Variants in PLPP1 observed in about 807,000 individuals in gnomAD.
The protein encoded by PLPP1 is lipid phosphate phosphohydrolase 1a.
PLPP1 carries 24 observed loss-of-function variants against 31.2 expected under a neutral mutation model. That is an observed-to-expected ratio of 0.77 (90% CI 0.56 to 1.08). The LOEUF is 1.08. PLPP1 is among the 50% of genes least tolerant of loss of function. The pLI is 0.00. For synonymous variants in PLPP1, 146 were observed against 126.3 expected (o/e 1.16, Z -1.05); for missense variants, 319 against 342.7 (o/e 0.93, Z 0.55).
At chr5:55,429,867 T>C (rs1057433776) in intron 4 of PLPP1, among the ~76,000 whole-genome samples, 1 of 151,800 alleles carries the variant, frequency 6.6e-6, no homozygotes, top group African/African-American at 2.4e-5. Flanking sequence ...AAGTGCATGC[T>C]CCCAACCCAC....
chr5:55,452,042 G>A (rs772923753), intron 3 of PLPP1, among the ~76,000 whole-genome samples: 1 of 152,148 alleles, frequency 6.6e-6, no homozygotes, highest in Non-Finnish European at 1.5e-5. Flanking sequence ...CCTGCTTCAA[G>A]TCCTTCACTA....
chr5:55,437,861 T>A (rs1225290624), intron 4 of PLPP1, among the ~76,000 whole-genome samples: 2 of 152,208 alleles, frequency 1.3e-5, no homozygotes, highest in African/African-American at 4.8e-5. Context: ...ATAATCAAGT[T>A]TGGAAAACAT....
intron 4 of PLPP1, among the ~76,000 whole-genome samples, chr5:55,434,736 A>G (rs1483398685): frequency 6.6e-6 from 1 of 152,180 alleles, no homozygotes; most frequent in African/African-American, 2.4e-5. Context: ...GAAGAATGAA[A>G]TTGGACCCCT....
At chr5:55,518,780 T>A (rs138595373) in intron 1 of PLPP1, among the ~76,000 whole-genome samples, 1 of 152,326 alleles carries the variant, frequency 6.6e-6, no homozygotes, top group African/African-American at 2.4e-5. Context: ...TGCTGCAAGA[T>A]GACTCTCCTT....
chr5:55,471,705 TCAC>T (rs1561236015), intron 2 of PLPP1, among the ~76,000 whole-genome samples: 4 of 152,174 alleles, frequency 2.6e-5, no homozygotes, highest in African/African-American at 9.7e-5. Context: ...GCAGTCTTAA[TCAC>T]AGGGATTTTT....
chr5:55,427,941 A>C (rs966737923), intron 4 of PLPP1, among the ~76,000 whole-genome samples: 2 of 151,040 alleles, frequency 1.3e-5, no homozygotes, highest in African/African-American at 4.9e-5. Context: ...ACTCACCACC[A>C]CTCCCAGGTA....
chr5:55,501,071 T>C (rs1471445859), intron 1 of PLPP1, among the ~76,000 whole-genome samples: 2 of 152,122 alleles, frequency 1.3e-5, no homozygotes, highest in African/African-American at 2.4e-5. Context: ...CCCCAGCACG[T>C]TGGGAGGCCG....
At chr5:55,532,794 T>C (rs1313727996) in intron 1 of PLPP1, among the ~76,000 whole-genome samples, 1 of 151,790 alleles carries the variant, frequency 6.6e-6, no homozygotes, top group Non-Finnish European at 1.5e-5. Flanking sequence ...CCGTCTCTAC[T>C]AAAAATACGA....
chr5:55,427,904 G>A (rs1751247888), intron 4 of PLPP1, among the ~76,000 whole-genome samples: 1 of 152,006 alleles, frequency 6.6e-6, no homozygotes, highest in African/African-American at 2.4e-5. Flanking sequence ...TCCTGCCTCA[G>A]CCTCCCGAGT....
intron 1 of PLPP1, among the ~76,000 whole-genome samples, chr5:55,517,722 G>C (rs756873668): frequency 1.3e-5 from 2 of 152,120 alleles, no homozygotes; most frequent in Non-Finnish European, 2.9e-5. Context: ...ATCTCTTTAC[G>C]GGACAGCAAA....
chr5:55,478,366 T>C (rs986103734), intron 1 of PLPP1, among the ~76,000 whole-genome samples: 2 of 152,178 alleles, frequency 1.3e-5, no homozygotes, highest in African/African-American at 4.8e-5. Context: ...GGAATACAAA[T>C]TGAATAAGGC....
intron 2 of PLPP1, among the ~76,000 whole-genome samples, chr5:55,472,249 AT>A (rs1232813075): frequency 6.6e-6 from 1 of 152,222 alleles, no homozygotes; most frequent in East Asian, 1.9e-4. Flanking sequence ...GCATTCATCT[AT>A]TAATTTGCTT....
chr5:55,488,252 T>C (rs1479625754), intron 1 of PLPP1, among the ~76,000 whole-genome samples: 1 of 151,410 alleles, frequency 6.6e-6, no homozygotes, highest in Non-Finnish European at 1.5e-5. Flanking sequence ...AGCTGCTTGA[T>C]ATTATAATAC....
chr5:55,451,246 CCT>C (rs1488766153), intron 3 of PLPP1, among the ~76,000 whole-genome samples: 1 of 152,132 alleles, frequency 6.6e-6, no homozygotes, highest in African/African-American at 2.4e-5. Flanking sequence ...ACAGTGAGAC[CCT>C]GTCTCTACAA....
intron 1 of PLPP1, among the ~76,000 whole-genome samples, chr5:55,475,980 C>CTTT (rs34891567): frequency 4.3e-4 from 60 of 139,078 alleles, no homozygotes; most frequent in South Asian, 9.1e-4. Flanking sequence ...CTTAAAGTTT[C>CTTT]TTTTTTTTTT....
chr5:55,490,216 T>C (rs903547039), intron 1 of PLPP1, among the ~76,000 whole-genome samples: 2 of 146,796 alleles, frequency 1.4e-5, no homozygotes, highest in Non-Finnish European at 3.0e-5. Context: ...AATGGCATGA[T>C]CTTGGCTCAC....
chr5:55,514,346 A>G (rs1045743075), intron 1 of PLPP1, among the ~76,000 whole-genome samples: 1 of 151,772 alleles, frequency 6.6e-6, no homozygotes, highest in African/African-American at 2.4e-5. Context: ...TGATCACACC[A>G]CTGCACTCCA....
chr5:55,436,535 C>T (rs1317611088), intron 4 of PLPP1, among the ~76,000 whole-genome samples: 3 of 152,152 alleles, frequency 2.0e-5, no homozygotes, highest in African/African-American at 4.8e-5. Flanking sequence ...GTGTAAACTG[C>T]CCAGCCTTGG....
chr5:55,435,205 T>C (rs1751463586), intron 4 of PLPP1, among the ~76,000 whole-genome samples: 1 of 152,176 alleles, frequency 6.6e-6, no homozygotes, highest in Admixed American at 6.5e-5. Flanking sequence ...TCAGTTAGAA[T>C]GGCCATTATT....
Sources: gnomAD v4.1 joint callset for allele counts (sites outside exome capture counted in the v4.1 genomes callset) on GRCh38, gnomAD v4.1.1 for gene constraint, MANE v1.5 for transcripts, NCBI Gene and HGNC (gene_info 2026-07-23, HGNC 2026-07-21) for gene names.